The following SNTB1 variants were observed in gnomAD, a reference collection of about 807,000 sequenced individuals.
The protein encoded by SNTB1 is beta-1-syntrophin.
In SNTB1, 36 loss-of-function variants were observed where a neutral mutation model predicts 48.9. The observed-to-expected ratio is 0.74, with a 90% CI of 0.56 to 0.97. SNTB1 has a LOEUF of 0.97. SNTB1 is among the 50% of genes least tolerant of loss of function. SNTB1 has a pLI of 0.00. For missense variants in SNTB1, 786 were observed against 703.4 expected (o/e 1.12, Z -1.33); for synonymous variants, 299 against 294.6 (o/e 1.01, Z -0.15).
chr8:120,564,376 T>TC (rs1815714827), intron 4 of SNTB1, among the ~76,000 whole-genome samples: 1 of 148,452 alleles, frequency 6.7e-6, no homozygotes, highest in African/African-American at 2.5e-5. Flanking sequence ...AGGGCAGCCG[T>TC]CCCAGGAAGA....
At chr8:120,811,191 G>C in intron 1 of SNTB1, 82 bp downstream of exon 1, 2 of 1,497,588 alleles carry the variant, frequency 1.3e-6, no homozygotes, top group Non-Finnish European at 1.8e-6. Context: ...GTGGCCGAGT[G>C]AGTGTGAGTG....
chr8:120,786,566 G>A (rs2130141334), intron 1 of SNTB1, among the ~76,000 whole-genome samples: 1 of 152,216 alleles, frequency 6.6e-6, no homozygotes, highest in Non-Finnish European at 1.5e-5. Context: ...TGTAGGAGGA[G>A]TACCCTCCAG....
chr8:120,800,436 G>A (rs541620930), intron 1 of SNTB1, among the ~76,000 whole-genome samples: 5 of 152,100 alleles, frequency 3.3e-5, no homozygotes, highest in South Asian at 4.1e-4. Flanking sequence ...CCTACCAAGC[G>A]TCTTTCTCAG....
At chr8:120,778,980 ATTTG>A (rs771445733) in intron 1 of SNTB1, among the ~76,000 whole-genome samples, 7 of 152,124 alleles carry the variant, frequency 4.6e-5, no homozygotes, top group Non-Finnish European at 1.0e-4. Context: ...TCCATCATTC[ATTTG>A]TTTATTTATT....
chr8:120,549,977 C>A (rs1272971038), intron 4 of SNTB1, among the ~76,000 whole-genome samples: 2 of 152,110 alleles, frequency 1.3e-5, no homozygotes, highest in Non-Finnish European at 2.9e-5. Context: ...GAGTTATTTT[C>A]TTAGGCAAAA....
intron 3 of SNTB1, among the ~76,000 whole-genome samples, chr8:120,590,685 C>CTTTTTTT (rs1255676747): frequency 2.0e-5 from 2 of 99,948 alleles, no homozygotes; most frequent in African/African-American, 8.3e-5. Context: ...CTTTTCTTTT[C>CTTTTTTT]TTTTTTTTTT....
chr8:120,805,129 T>C (rs1820310722), intron 1 of SNTB1, among the ~76,000 whole-genome samples: 1 of 152,158 alleles, frequency 6.6e-6, no homozygotes, highest in African/African-American at 2.4e-5. Flanking sequence ...GAGGAAGCGA[T>C]TATTTATAAA....
intron 1 of SNTB1, among the ~76,000 whole-genome samples, chr8:120,720,513 A>C (rs1818641472): frequency 6.6e-6 from 1 of 152,244 alleles, no homozygotes; most frequent in African/African-American, 2.4e-5. Context: ...ACATTCAATT[A>C]CTGGCTCAAG....
chr8:120,811,754 C>G lies in SNTB1; in HGVS notation c.90G>C (p.Val30=). The G allele has an allele frequency of 6.5e-7, 1 of 1,543,802 alleles. No individual in the cohort carries two copies. Among genetic ancestry groups the G allele is most frequent in the Non-Finnish European group, 8.7e-7 (1 of 1,148,860 alleles). Residue 30 remains valine, a synonymous_variant, in exon 1 of 7, where the codon GTG becomes GTC. Transcript: ENST00000517992. The stretch of plus-strand genomic sequence containing the variant: ...CCAGAACTTTGTGCCAGCGATCCCG[C>G]ACCAAAACTTCCAGCAGCCCGCTCC... ...AQRSGLLEVL[V]RDRWHKVLVN...
intron 3 of SNTB1, among the ~76,000 whole-genome samples, chr8:120,587,507 G>A (rs1816167337): frequency 6.6e-6 from 1 of 152,114 alleles, no homozygotes; most frequent in African/African-American, 2.4e-5. Context: ...TGTGTATCAT[G>A]GTTCCATACT....
In SNTB1 at chr8:120,618,221, A is replaced by C. The variant is rs1235934403; in HGVS notation, c.996+14223T>G. 3.3e-5 allele frequency among the ~76,000 whole-genome samples: 5 copies of C among 152,132 alleles called. No homozygotes were observed. In the East Asian group the frequency reaches 9.6e-4, roughly 29 times the overall value. ...TATGGAAATAAATTATAGCATGCACAGGTCTGTATTTGAAATTCTTAGGTT... is the reference window on the plus strand; with the variant it reads ...TATGGAAATAAATTATAGCATGCACCGGTCTGTATTTGAAATTCTTAGGTT... On this transcript the variant is annotated intron_variant, in intron 3 of 6. Coordinates refer to ENST00000517992, the MANE Select transcript of SNTB1 (RefSeq NM_021021.4).
At chr8:120,575,566 T>C (rs536261544) in intron 3 of SNTB1, among the ~76,000 whole-genome samples, 1 of 152,350 alleles carries the variant, frequency 6.6e-6, no homozygotes, top group East Asian at 1.9e-4. Flanking sequence ...GATTCACTGG[T>C]ACAGTAGCAT....
At chr8:120,753,210 A>G (rs1819253137) in intron 1 of SNTB1, among the ~76,000 whole-genome samples, 1 of 151,978 alleles carries the variant, frequency 6.6e-6, no homozygotes, top group African/African-American at 2.4e-5. Flanking sequence ...CATATAATAC[A>G]CACCAAGGAA....
intron 2 of SNTB1, among the ~76,000 whole-genome samples, chr8:120,660,453 T>C (rs1254680356): frequency 1.3e-5 from 2 of 152,230 alleles, no homozygotes; most frequent in African/African-American, 4.8e-5. Flanking sequence ...TTCTGCAGCA[T>C]CTTCACCTCT....
chr8:120,780,077 A>T (rs1414936471), intron 1 of SNTB1, among the ~76,000 whole-genome samples: 1 of 123,304 alleles, frequency 8.1e-6, no homozygotes, highest in Non-Finnish European at 1.8e-5. Flanking sequence ...AGGAATGATG[A>T]TCTAGTTAAA....
chr8:120,625,535 T>A (rs1816859285), intron 3 of SNTB1, among the ~76,000 whole-genome samples: 1 of 152,234 alleles, frequency 6.6e-6, no homozygotes, highest in African/African-American at 2.4e-5. Flanking sequence ...ATTTAAAATC[T>A]CTGATGTTTC....
chr8:120,682,884 T>TC (rs900753850), intron 2 of SNTB1, among the ~76,000 whole-genome samples: 4 of 148,570 alleles, frequency 2.7e-5, no homozygotes, highest in African/African-American at 1.0e-4. Flanking sequence ...TTTTTAGTTT[T>TC]TTTTTTTTTT....
Position 120,693,913 on chromosome 8 carries a change from A to G in SNTB1, c.572-5T>C. 3.1e-6 allele frequency: 5 copies of G among 1,610,174 alleles called. No individual in the cohort carries two copies. The highest frequency in any genetic ancestry group is 4.2e-6 in the Non-Finnish European group (5 of 1,176,640). On this transcript the variant is annotated splice_region_variant and splice_polypyrimidine_tract_variant and intron_variant, in intron 1 of 6. Transcript: ENST00000517992. ...TGGCTTCTCGCATGTACTTCACTGC[A>G]AGGAAAAAGACAACAAGTGCTTTTA...
At chr8:120,571,479 G>GTTTT (rs574978297) in intron 4 of SNTB1, 4 of 167,036 alleles carry the variant, frequency 2.4e-5, no homozygotes, top group African/African-American at 1.1e-4. Context: ...ACTATTGAGG[G>GTTTT]TTTTTTTTTT....
Sources: allele counts gnomAD v4.1 joint callset (sites outside exome capture counted in the v4.1 genomes callset), GRCh38; gene constraint gnomAD v4.1.1; transcripts MANE v1.5; gene names NCBI Gene and HGNC (gene_info 2026-07-23, HGNC 2026-07-21).